Variants in R3HDM2 observed in about 807,000 individuals in gnomAD.
The protein encoded by R3HDM2 is R3H domain containing 2.
A neutral mutation model predicts 124.5 loss-of-function variants in R3HDM2; 38 were observed. That is an observed-to-expected ratio of 0.31 (90% confidence interval 0.24 to 0.40). The LOEUF is 0.40. Among genes scored for constraint, R3HDM2 ranks in the 10% least tolerant of loss-of-function variants. R3HDM2 has a pLI of 1.00. For missense variants in R3HDM2, 869 were observed against 1,236.9 expected (o/e 0.70, Z 4.46); for synonymous variants, 391 against 448.0 (o/e 0.87, Z 1.61).
At chr12:57,259,377 C>T (rs2040069078) in intron 19 of R3HDM2, among the ~76,000 whole-genome samples, 1 of 152,216 alleles carries the variant, frequency 6.6e-6, no homozygotes, top group Non-Finnish European at 1.5e-5. Context: ...ATGCCCAGGT[C>T]AGATTGCTCA....
chr12:57,311,387 AG>A (rs1427834216), intron 2 of R3HDM2, among the ~76,000 whole-genome samples: 10 of 63,380 alleles, frequency 1.6e-4, no homozygotes, highest in Non-Finnish European at 5.4e-4. Context: ...CACCACGCTC[AG>A]CTAATTTTTT....
chr12:57,408,809 G>A (rs753682428), intron 1 of R3HDM2, among the ~76,000 whole-genome samples: 1 of 151,296 alleles, frequency 6.6e-6, no homozygotes, highest in African/African-American at 2.4e-5. Context: ...TATTATTGAG[G>A]GAGTGGGTTA....
intron 2 of R3HDM2, among the ~76,000 whole-genome samples, chr12:57,371,576 A>G (rs1318233834): frequency 6.6e-5 from 10 of 152,128 alleles, no homozygotes; most frequent in Non-Finnish European, 2.9e-5. Flanking sequence ...GAATTTCAAG[A>G]TATCTCCAAA....
At position 57,410,341 on chromosome 12, in the gene R3HDM2, AAC is replaced by A. The variant is rs1178082269; in HGVS notation, c.-105-14525_-105-14524del. On this transcript the variant is annotated intron_variant, in intron 1 of 23. Transcript: ENST00000402412. ...CTTAAAAAAAAAAAAAAAAAAAAAA[AAC>A]TTCACATTTCATGAACAGCTAAACA... Among the ~76,000 whole-genome samples the A allele has an allele frequency of 6.2e-3, 939 of 150,334 alleles. 13 individuals carry two copies. The highest frequency in any genetic ancestry group is 0.022 in the African/African-American group (886 of 40,750).
Position 57,324,473 on chromosome 12 carries a change from G to A in R3HDM2, c.-35-14010C>T, listed in dbSNP as rs566339511. 8.6e-4 allele frequency among the ~76,000 whole-genome samples: 131 copies of A among 152,318 alleles called. 4 individuals are homozygous for A. In the South Asian group the frequency reaches 0.027, roughly 31 times the overall value. Reference sequence around the variant, plus strand: ...GCTGGGATTACAGGCGTAAGCCACTGCGCCTGGCTGACAATCTTTCAAAAT... The same window carrying A: ...GCTGGGATTACAGGCGTAAGCCACTACGCCTGGCTGACAATCTTTCAAAAT... On this transcript the variant is annotated intron_variant, in intron 2 of 23. Coordinates refer to ENST00000402412, the MANE Select transcript of R3HDM2 (RefSeq NM_001394031.1).
chr12:57,420,674 T>C (rs1171024210), intron 1 of R3HDM2, among the ~76,000 whole-genome samples: 1 of 152,036 alleles, frequency 6.6e-6, no homozygotes, highest in Non-Finnish European at 1.5e-5. Context: ...TTTCCATCTA[T>C]CTTTAGGCCT....
intron 2 of R3HDM2, among the ~76,000 whole-genome samples, chr12:57,351,638 T>C (rs1264623083): frequency 1.3e-5 from 2 of 152,226 alleles, no homozygotes; most frequent in Admixed American, 1.3e-4. Context: ...TCACTAATTA[T>C]GTAACAGGCA....
intron 14 of R3HDM2, among the ~76,000 whole-genome samples, chr12:57,276,190 A>C (rs947669195): frequency 1.2e-4 from 18 of 150,628 alleles, no homozygotes; most frequent in Non-Finnish European, 2.2e-4. Flanking sequence ...AGCCTGGGCG[A>C]CAGAGTGAGA....
chr12:57,326,149 C>T (rs1303266803), intron 2 of R3HDM2, among the ~76,000 whole-genome samples: 1 of 152,182 alleles, frequency 6.6e-6, no homozygotes, highest in African/African-American at 2.4e-5. Context: ...GTTCCCCGAT[C>T]TCTCTCCCTC....
At chr12:57,272,375 C>G in intron 14 of R3HDM2, 1 of 1,220,510 alleles carries the variant, frequency 8.2e-7, no homozygotes, top group Non-Finnish European at 1.2e-6. Flanking sequence ...CTTACAAGGC[C>G]ATCACAGACT....
intron 1 of R3HDM2, among the ~76,000 whole-genome samples, chr12:57,408,747 A>T (rs2068750406): frequency 6.6e-6 from 1 of 151,994 alleles, no homozygotes; most frequent in African/African-American, 2.4e-5. Context: ...ATATATATAT[A>T]TTTGAAATAT....
chr12:57,296,392 C>G lies in R3HDM2; in HGVS notation c.701+19G>C, dbSNP rs2049893711. ...GTTATCCCAGGGAAGTCTTCCCAAACCATGGTTTCCTCCCTTACATTCTTG... is the reference window on the plus strand; with the variant it reads ...GTTATCCCAGGGAAGTCTTCCCAAAGCATGGTTTCCTCCCTTACATTCTTG... On this transcript the variant is annotated intron_variant, in intron 9 of 23. Coordinates refer to ENST00000402412, the MANE Select transcript of R3HDM2 (RefSeq NM_001394031.1). The surrounding 1 kb of genome is among the most constrained non-coding windows in gnomAD (Gnocchi z 4.5). 2 of 1,551,886 alleles carry G rather than the reference C, an allele frequency of 1.3e-6. No individual in the cohort carries two copies. The highest frequency in any genetic ancestry group is 1.7e-6 in the Non-Finnish European group (2 of 1,146,798).
intron 13 of R3HDM2, among the ~76,000 whole-genome samples, chr12:57,281,637 C>G (rs1166565599): frequency 6.6e-6 from 1 of 152,040 alleles, no homozygotes; most frequent in Non-Finnish European, 1.5e-5. Flanking sequence ...AGGCACCCAC[C>G]ACCACGCCCA....
intron 2 of R3HDM2, among the ~76,000 whole-genome samples, chr12:57,363,086 G>C (rs2062144361): frequency 6.6e-6 from 1 of 152,188 alleles, no homozygotes; most frequent in Non-Finnish European, 1.5e-5. Context: ...GCCTCCCAAA[G>C]TGCTGGAATT....
chr12:57,420,068 T>C (rs548733360), intron 1 of R3HDM2, among the ~76,000 whole-genome samples: 1 of 152,242 alleles, frequency 6.6e-6, no homozygotes, highest in East Asian at 1.9e-4. Context: ...TCCCCACCCC[T>C]TTCCTGACCT....
Position 57,260,263 on chromosome 12 carries a change from C to CAAAAAAAAAAAAAAAAAAAAAAGAAAAAA in R3HDM2, c.2132-1205_2132-1204insTTTTTTCTTTTTTTTTTTTTTTTTTTTTT, listed in dbSNP as rs2040392579. ...TGGGTGACAGAATGAGACCCTGCCTCAAAAAAAAAAAAAAAAAAAAAAGCC... is the reference window on the plus strand; with the variant it reads ...TGGGTGACAGAATGAGACCCTGCCTCAAAAAAAAAAAAAAAAAAAAAAGAAAAAAAAAAAAAAAAAAAAAAAAAAAAGCC... On this transcript the variant is annotated intron_variant, in intron 19 of 23. Transcript: ENST00000402412. 1.6e-4 allele frequency among the ~76,000 whole-genome samples: 5 copies of CAAAAAAAAAAAAAAAAAAAAAAGAAAAAA among 31,564 alleles called. 1 individual carries two copies. Among genetic ancestry groups the CAAAAAAAAAAAAAAAAAAAAAAGAAAAAA allele is most frequent in the East Asian group, 3.1e-3 (2 of 638 alleles). 20.7% of individuals were successfully genotyped at this position (31,564 alleles called of 152,430 possible). A position where few individuals can be genotyped will look rare whatever the true frequency, so the allele number is the denominator to read the frequency against.
At chr12:57,257,499 T>G (rs1170493509) in intron 21 of R3HDM2, among the ~76,000 whole-genome samples, 1 of 152,228 alleles carries the variant, frequency 6.6e-6, no homozygotes, top group Non-Finnish European at 1.5e-5. Flanking sequence ...ATTCCCATCT[T>G]ATGTGTGATT....
intron 10 of R3HDM2, among the ~76,000 whole-genome samples, chr12:57,293,290 G>A (rs980265325): frequency 2.2e-4 from 34 of 151,902 alleles, no homozygotes; most frequent in Non-Finnish European, 4.3e-4. Flanking sequence ...GAAGGGGAGA[G>A]ACAAATTACA....
chr12:57,341,645 C>G (rs1001376192), intron 2 of R3HDM2, among the ~76,000 whole-genome samples: 1 of 152,076 alleles, frequency 6.6e-6, no homozygotes, highest in African/African-American at 2.4e-5. Context: ...TTAACAAATG[C>G]CTCCTAGGAT....
Sources: allele counts gnomAD v4.1 joint callset (sites outside exome capture counted in the v4.1 genomes callset), GRCh38; gene constraint gnomAD v4.1.1; non-coding constraint Gnocchi (gnomAD v3.1); transcripts MANE v1.5; gene names NCBI Gene and HGNC (gene_info 2026-07-23, HGNC 2026-07-21).